RPS6KA2: variants seen among roughly 807,000 people sequenced by gnomAD.
RPS6KA2 encodes the protein ribosomal protein S6 kinase alpha-2.
In RPS6KA2, 42 loss-of-function variants were observed where a neutral mutation model predicts 91.8. The observed-to-expected ratio is 0.46, with a 90% confidence interval of 0.36 to 0.59. The LOEUF is 0.59. Among genes scored for constraint, RPS6KA2 ranks in the 20% least tolerant of loss-of-function variants. The pLI, the probability that RPS6KA2 is intolerant of heterozygous loss-of-function variation, is 0.00. For synonymous variants in RPS6KA2, 414 were observed against 393.6 expected (o/e 1.05, Z -0.61); for missense variants, 798 against 978.5 (o/e 0.82, Z 2.46).
intron 6 of RPS6KA2, among the ~76,000 whole-genome samples, chr6:166,501,322 T>G (rs1203786382): frequency 6.6e-6 from 1 of 152,200 alleles, no homozygotes. Flanking sequence ...GGAATGTTTC[T>G]GCACTCGGGA....
Position 166,490,866 on chromosome 6 carries a change from T to C in RPS6KA2, c.748-125A>G, listed in dbSNP as rs968607098. 14 of 692,136 alleles carry C rather than the reference T, an allele frequency of 2.0e-5. No individual in the cohort carries two copies. The Admixed American group carries it at 3.5e-4, about 17-fold the overall frequency. The allele number at this position is 692,136 out of a possible 1,614,324, so 42.9% of individuals were successfully genotyped here. A position where few individuals can be genotyped will look rare whatever the true frequency, so the allele number is the denominator to read the frequency against. ...CTCATGCAAAATCTCCATCAGTCAA[T>C]TGTAGCCACTGGCCTACGTGCTTGG... On this transcript the variant is annotated intron_variant, in intron 8 of 20. Transcript: ENST00000265678. This position sits in a 1 kb window ranked among gnomAD's most constrained non-coding sequence, Gnocchi z 4.2.
At chr6:166,488,969 C>T (rs542846589) in intron 9 of RPS6KA2, 48 bp from the exon 10 acceptor site, 17 of 1,510,910 alleles carry the variant, frequency 1.1e-5, no homozygotes, top group Admixed American at 3.7e-5. Context: ...AGAACAAGGA[C>T]AAGCTATAAA....
At chr6:166,723,292 C>T (rs559910414) in intron 2 of RPS6KA2, among the ~76,000 whole-genome samples, 8 of 152,350 alleles carry the variant, frequency 5.3e-5, no homozygotes, top group South Asian at 2.1e-4. Flanking sequence ...GCTGAGGTGC[C>T]GCAGTGAAGA....
intron 11 of RPS6KA2, among the ~76,000 whole-genome samples, chr6:166,469,381 G>T (rs540169906): frequency 1.4e-5 from 2 of 144,848 alleles, no homozygotes; most frequent in Non-Finnish European, 3.0e-5. Context: ...CTTGACTAAC[G>T]ATGGAAAATG....
At chr6:166,724,531 T>A (rs1331721949) in intron 2 of RPS6KA2, among the ~76,000 whole-genome samples, 2 of 152,132 alleles carry the variant, frequency 1.3e-5, no homozygotes, top group East Asian at 3.8e-4. Flanking sequence ...TTAATCCAAG[T>A]GGGTCATTTT....
chr6:166,637,687 G>A (rs1787292640), intron 2 of RPS6KA2, among the ~76,000 whole-genome samples: 1 of 152,274 alleles, frequency 6.6e-6, no homozygotes, highest in Non-Finnish European at 1.5e-5. Flanking sequence ...GTCCTCACTG[G>A]AGAAGGGGGC....
intron 19 of RPS6KA2, among the ~76,000 whole-genome samples, chr6:166,417,749 T>G (rs1778587027): frequency 1.3e-5 from 2 of 152,126 alleles, no homozygotes; most frequent in South Asian, 4.1e-4. Context: ...AAAATAATGT[T>G]TTTAGATGAA....
In RPS6KA2 at chr6:166,411,103, G is replaced by A. The variant is rs201698215; in HGVS notation, c.*1659C>T. ...CCTTTTATGTTTTGTGGTTCTCTAA[G>A]AAAAAAAAAATCCACATGGATTAAA... On this transcript the variant is annotated 3_prime_UTR_variant, in exon 21 of 21. Transcript: ENST00000265678. This position sits in a 1 kb window ranked among gnomAD's most constrained non-coding sequence, Gnocchi z 4.5. The A allele has an allele frequency of 6.6e-6, 1 of 151,492 alleles. No individual in the cohort carries two copies. The allele number at this position is 151,492 out of a possible 1,614,324, so 9.4% of individuals were successfully genotyped here.
In RPS6KA2 at chr6:166,434,688, A is replaced by T. The variant is rs950672233; in HGVS notation, c.1333-2198T>A. ...GCAAATATGATTTCATGATAAAGGGATGTGTTCTTAGCATGAATCTGTTTT... is the reference window on the plus strand; with the variant it reads ...GCAAATATGATTTCATGATAAAGGGTTGTGTTCTTAGCATGAATCTGTTTT... On this transcript the variant is annotated intron_variant, in intron 14 of 20. Transcript: ENST00000265678. The surrounding 1 kb of genome is among the most constrained non-coding windows in gnomAD (Gnocchi z 4.4). Among the ~76,000 whole-genome samples the T allele has an allele frequency of 1.3e-5, 2 of 152,222 alleles. No homozygotes were observed. Among genetic ancestry groups the T allele is most frequent in the African/African-American group, 4.8e-5 (2 of 41,464 alleles).
At chr6:166,446,288 C>T (rs889682877) in intron 14 of RPS6KA2, among the ~76,000 whole-genome samples, 7 of 152,186 alleles carry the variant, frequency 4.6e-5, no homozygotes, top group African/African-American at 1.2e-4. Context: ...TTCTGGACCA[C>T]GAGCCACATC....
At chr6:166,615,270 G>T (rs1417645013) in intron 1 of RPS6KA2, among the ~76,000 whole-genome samples, 1 of 152,182 alleles carries the variant, frequency 6.6e-6, no homozygotes, top group Non-Finnish European at 1.5e-5. Context: ...TGCGACTCCC[G>T]CACCACACAC....
At position 166,449,191 on chromosome 6, in the gene RPS6KA2, T is replaced by C. The variant is rs138416070; in HGVS notation, c.1207-342A>G. Among the ~76,000 whole-genome samples the C allele has an allele frequency of 8.8e-3, 1,346 of 152,298 alleles. 10 individuals are homozygous for C. The highest frequency in any genetic ancestry group is 0.015 in the Non-Finnish European group (1,002 of 68,008). On this transcript the variant is annotated intron_variant, in intron 13 of 20. Transcript: ENST00000265678. ...GCAGCTGCTGGGTGCGTGGCTCCAA[T>C]GCCTGTGTGCAGAGCAAGACTCTGG...
chr6:166,830,899 T>G (rs369187242), intron 2 of RPS6KA2, among the ~76,000 whole-genome samples: 4 of 151,942 alleles, frequency 2.6e-5, no homozygotes, highest in African/African-American at 7.3e-5. Flanking sequence ...CTTTCCCAGC[T>G]CCCCCCTATC....
At chr6:166,507,676 C>G (rs752290184) in intron 5 of RPS6KA2, among the ~76,000 whole-genome samples, 5 of 147,064 alleles carry the variant, frequency 3.4e-5, no homozygotes, top group African/African-American at 5.1e-5. Flanking sequence ...ACACAGCATG[C>G]CAAACACACC....
At chr6:166,797,905 G>T (rs977526789) in intron 2 of RPS6KA2, among the ~76,000 whole-genome samples, 1 of 152,146 alleles carries the variant, frequency 6.6e-6, no homozygotes, top group Non-Finnish European at 1.5e-5. Context: ...CTGGTCAAGG[G>T]AGGTAAAAGA....
intron 2 of RPS6KA2, among the ~76,000 whole-genome samples, chr6:166,534,828 A>G (rs927731221): frequency 1.3e-5 from 2 of 152,276 alleles, no homozygotes; most frequent in African/African-American, 4.8e-5. Flanking sequence ...GAATTCCTGC[A>G]GCAGGTGCTG....
chr6:166,743,103 A>T (rs1368953016), intron 2 of RPS6KA2, among the ~76,000 whole-genome samples: 1 of 152,204 alleles, frequency 6.6e-6, no homozygotes, highest in Non-Finnish European at 1.5e-5. Flanking sequence ...TATGTACTTG[A>T]TTTCTGCATA....
In RPS6KA2 at chr6:166,517,576, C is replaced by T. The variant is rs373506335; in HGVS notation, c.299-7219G>A. ...CTGCAAGCTCCTCTTCCCGGGTTCA[C>T]GCCATTCTCCTGCCTCAGCCTCCCG... On this transcript the variant is annotated intron_variant, in intron 3 of 20. Coordinates refer to ENST00000265678, the MANE Select transcript of RPS6KA2 (RefSeq NM_021135.6). 6.1e-4 allele frequency among the ~76,000 whole-genome samples: 91 copies of T among 149,496 alleles called. 5 individuals carry two copies. In the East Asian group the frequency reaches 0.016, roughly 26 times the overall value.
intron 1 of RPS6KA2, among the ~76,000 whole-genome samples, chr6:166,571,873 T>C (rs1562587310): frequency 6.6e-6 from 1 of 152,136 alleles, no homozygotes; most frequent in Non-Finnish European, 1.5e-5. Flanking sequence ...TTTAGAATTT[T>C]TGGAAAAAAA....
Sources: gnomAD v4.1 joint callset for allele counts (sites outside exome capture counted in the v4.1 genomes callset) on GRCh38, gnomAD v4.1.1 for gene constraint, Gnocchi (gnomAD v3.1) non-coding constraint, MANE v1.5 for transcripts, NCBI Gene and HGNC (gene_info 2026-07-23, HGNC 2026-07-21) for gene names.